Variants in PDE6A observed in about 807,000 individuals in gnomAD.
PDE6A encodes the protein phosphodiesterase 6A.
In PDE6A, 84 loss-of-function variants were observed where a neutral mutation model predicts 106.3. The ratio of observed to expected loss-of-function variants is 0.79; its 90% CI spans 0.66 to 0.95. The LOEUF (loss-of-function observed/expected upper bound fraction) is 0.95. Among genes scored for constraint, PDE6A ranks in the 40% least tolerant of loss-of-function variants. The pLI, the probability that PDE6A is intolerant of heterozygous loss-of-function variation, is 0.00. For synonymous variants in PDE6A, 394 were observed against 386.6 expected (o/e 1.02, Z -0.23); for missense variants, 1,052 against 1,084.9 (o/e 0.97, Z 0.43).
rs1753861253 is a variant in PDE6A at position 149,926,253 on chromosome 5, T to A, written c.859-4544A>T. Among the ~76,000 whole-genome samples, 5 of 150,740 alleles carry A rather than the reference T, an allele frequency of 3.3e-5. No individual in the cohort carries two copies. The South Asian group carries it at 8.4e-4, about 25-fold the overall frequency. Reference sequence around the variant, plus strand: ...TGAGATATCTGTCTTGAAAAAAAAATTAATTAAAAAAAACATATATATATA... The same window carrying A: ...TGAGATATCTGTCTTGAAAAAAAAAATAATTAAAAAAAACATATATATATA... On this transcript the variant is annotated intron_variant, in intron 4 of 21. Transcript: ENST00000255266.
At chr5:149,917,397 G>A (rs1211726338) in intron 5 of PDE6A, among the ~76,000 whole-genome samples, 1 of 152,092 alleles carries the variant, frequency 6.6e-6, no homozygotes, top group Non-Finnish European at 1.5e-5. Context: ...CAAGCCTCCC[G>A]ACTCAGAACC....
chr5:149,886,666 A>G (rs1235243615), intron 13 of PDE6A, among the ~76,000 whole-genome samples: 3 of 152,194 alleles, frequency 2.0e-5, no homozygotes, highest in East Asian at 3.8e-4. Context: ...CGGTAGCCCA[A>G]TCTCCATAAT....
intron 17 of PDE6A, among the ~76,000 whole-genome samples, chr5:149,874,443 A>G (rs920464956): frequency 6.6e-6 from 1 of 152,202 alleles, no homozygotes. Context: ...AAACAGCCAA[A>G]TGAATGTGAT....
chr5:149,862,410 A>G (rs1760177678), intron 21 of PDE6A, among the ~76,000 whole-genome samples: 2 of 152,236 alleles, frequency 1.3e-5, no homozygotes, highest in Admixed American at 6.5e-5. Context: ...GCATAAGCTC[A>G]TGATGGTATA....
chr5:149,899,326 C>T (rs772359451), intron 9 of PDE6A, 49 bp downstream of exon 9: 32 of 1,604,356 alleles, frequency 2.0e-5, no homozygotes, highest in Non-Finnish European at 2.5e-5. Flanking sequence ...CCTCCCCCAG[C>T]AAGCTGACTC....
At chr5:149,904,368 T>G (rs538644096) in intron 7 of PDE6A, among the ~76,000 whole-genome samples, 2 of 152,328 alleles carry the variant, frequency 1.3e-5, no homozygotes, top group East Asian at 1.9e-4. Context: ...GGTTCTATAT[T>G]GCCAGATTCC....
intron 20 of PDE6A, among the ~76,000 whole-genome samples, chr5:149,864,802 G>A (rs1300331756): frequency 1.3e-5 from 2 of 152,166 alleles, no homozygotes; most frequent in Non-Finnish European, 2.9e-5. Flanking sequence ...CACAAACTGC[G>A]ATCTTGGGCG....
chr5:149,860,919 T>G lies in PDE6A; in HGVS notation c.2559A>C (p.Thr853=), dbSNP rs1322756731. The G allele has an allele frequency of 6.2e-7, 1 of 1,614,046 alleles. No homozygotes were observed. The highest frequency in any genetic ancestry group is 1.3e-5 in the African/African-American group (1 of 74,926). Residue 853 remains threonine, a synonymous_variant, in exon 22 of 22, where the codon ACA becomes ACC. Transcript: ENST00000255266. Reference sequence around the variant, plus strand: ...GTTACTGGATGCAGCAGGACTTGGATGTAGTTGCACCCCCTGGGCTGGGGT... The same window carrying G: ...GTTACTGGATGCAGCAGGACTTGGAGGTAGTTGCACCCCCTGGGCTGGGGT... The part of the protein sequence containing the change: ...GGNPSPGGAT[T]SKSCCIQ
chr5:149,878,295 C>T (rs1760812473), intron 17 of PDE6A, among the ~76,000 whole-genome samples: 1 of 151,778 alleles, frequency 6.6e-6, no homozygotes, highest in South Asian at 2.1e-4. Flanking sequence ...TGAGATCCTG[C>T]TCCTGGCTTT....
At position 149,868,164 on chromosome 5, in the gene PDE6A, C is replaced by G. The variant is rs1760402032; in HGVS notation, c.2136-6G>C. Reference sequence around the variant, plus strand: ...AGGCGGTCATCATCATGGCCCTGGGCACACAGGACACCCTCTATCAGTCCA... The same window carrying G: ...AGGCGGTCATCATCATGGCCCTGGGGACACAGGACACCCTCTATCAGTCCA... On this transcript the variant is annotated splice_region_variant and splice_polypyrimidine_tract_variant and intron_variant, in intron 17 of 21. Transcript: ENST00000255266. 6.2e-6 allele frequency: 10 copies of G among 1,613,928 alleles called. No individual in the cohort carries two copies. In the East Asian group the frequency reaches 2.2e-4, roughly 36 times the overall value.
rs371022647 is a variant in PDE6A, at chr5:149,899,051, GA to G, written c.1263+323del. Among the ~76,000 whole-genome samples the G allele has an allele frequency of 6.9e-3, 1,055 of 152,206 alleles. 13 individuals are homozygous for G. The highest frequency in any genetic ancestry group is 0.024 in the African/African-American group (993 of 41,538). ...GCTAATCTTTTTTTAACTTTTTGTA[GA>G]AATAGGATATTGCCCTGTTGGCCAG... On this transcript the variant is annotated intron_variant, in intron 9 of 21. Transcript: ENST00000255266.
At chr5:149,862,480 C>T (rs1015604856) in intron 21 of PDE6A, among the ~76,000 whole-genome samples, 38 of 152,114 alleles carry the variant, frequency 2.5e-4, no homozygotes, top group African/African-American at 8.7e-4. Flanking sequence ...CTTCCAAGTC[C>T]GGACGCGGTG....
In PDE6A at chr5:149,863,160, A is replaced by G; in HGVS notation, c.2465T>C (p.Val822Ala). 6.2e-7 allele frequency: 1 copy of G among 1,614,010 alleles called. No homozygotes were observed. The highest frequency in any genetic ancestry group is 1.1e-5 in the South Asian group (1 of 91,066). ...CTGTTTCTGCTTCTTCTCCTCCTGC[A>G]CCTTCATCTTGGCATCGTACTCATC... is the stretch of plus-strand genomic sequence containing the variant. ...LADEYDAKMK[V>A]QEEKKQKQQS... is the part of the protein sequence containing the mutation. Residue 822 changes from valine (V) to alanine (A), a missense_variant, in exon 21 of 22, where the codon GTG becomes GCG. Coordinates refer to ENST00000255266, the MANE Select transcript of PDE6A (RefSeq NM_000440.3). The surrounding 1 kb of genome is among the most constrained non-coding windows in gnomAD (Gnocchi z 4.7).
Position 149,911,842 on chromosome 5 carries a change from C to CAAAA in PDE6A, c.998+3097_998+3100dup, listed in dbSNP as rs11430549. Among the ~76,000 whole-genome samples the CAAAA allele has an allele frequency of 7.2e-3, 473 of 66,024 alleles. 6 individuals carry two copies. The highest frequency in any genetic ancestry group is 0.023 in the African/African-American group (401 of 17,698). The allele number at this position is 66,024 out of a possible 152,430, so 43.3% of individuals were successfully genotyped here. A position where few individuals can be genotyped will look rare whatever the true frequency, so the allele number is the denominator to read the frequency against. On this transcript the variant is annotated intron_variant, in intron 6 of 21. Transcript: ENST00000255266. ...CATGGTGAGACCCCATCTCTATTAC[C>CAAAA]AAAAAAAAAAAAAAAAAAAAAAAAT...
intron 8 of PDE6A, among the ~76,000 whole-genome samples, chr5:149,900,275 T>C (rs530198799): frequency 5.4e-4 from 81 of 150,718 alleles, no homozygotes; most frequent in African/African-American, 1.9e-3. Flanking sequence ...GATGGGAGAA[T>C]CGCTTGAACC....
At chr5:149,900,701 T>C (rs10035216) in intron 8 of PDE6A, among the ~76,000 whole-genome samples, 61,799 of 151,654 alleles carry the variant, frequency 0.41, 16,468 homozygotes, top group African/African-American at 0.76. Flanking sequence ...ACAGCTGTCT[T>C]AGCACCTGGT....
chr5:149,912,537 A>G (rs1753419827), intron 6 of PDE6A, among the ~76,000 whole-genome samples: 2 of 152,104 alleles, frequency 1.3e-5, no homozygotes, highest in East Asian at 1.9e-4. Context: ...TCACCTCCAG[A>G]TGGAGATTTT....
At position 149,899,513 on chromosome 5, in the gene PDE6A, C is replaced by T; in HGVS notation, c.1125G>A (p.Leu375=). The change falls in exon 9 of 22, where the codon CTG becomes CTA. Residue 375 remains leucine (L), a synonymous_variant. Coordinates refer to ENST00000255266, the MANE Select transcript of PDE6A (RefSeq NM_000440.3). ...EDFFAFQKEP[L]DESGWMIKNV... The stretch of plus-strand genomic sequence containing the variant: ...TTTTAATCATCCATCCAGACTCATC[C>T]AGAGGTTCTTTCTACAAGAGAAGGG... The T allele has an allele frequency of 6.2e-7, 1 of 1,614,120 alleles. No homozygotes were observed. The highest frequency in any genetic ancestry group is 8.5e-7 in the Non-Finnish European group (1 of 1,179,998).
rs529478334 is a variant in PDE6A at position 149,876,019 on chromosome 5, G to A, written c.2135+7410C>T. Among the ~76,000 whole-genome samples, 4 of 152,136 alleles carry A rather than the reference G, an allele frequency of 2.6e-5. No individual in the cohort carries two copies. The South Asian group carries it at 8.3e-4, about 32-fold the overall frequency. Reference sequence around the variant, plus strand: ...ATGTGTGTGTGTACACTACATATATGCTTGAAAGTCTTTCATTGATCGATT... The same window carrying A: ...ATGTGTGTGTGTACACTACATATATACTTGAAAGTCTTTCATTGATCGATT... On this transcript the variant is annotated intron_variant, in intron 17 of 21. Coordinates refer to ENST00000255266, the MANE Select transcript of PDE6A (RefSeq NM_000440.3).
Sources: gnomAD v4.1 joint callset for allele counts (sites outside exome capture counted in the v4.1 genomes callset) on GRCh38, gnomAD v4.1.1 for gene constraint, Gnocchi (gnomAD v3.1) non-coding constraint, MANE v1.5 for transcripts, NCBI Gene and HGNC (gene_info 2026-07-23, HGNC 2026-07-21) for gene names.